Variants in ELMO1 observed in about 807,000 individuals in gnomAD.
ELMO1 encodes engulfment and cell motility 1, also known as engulfment and cell motility protein 1.
Under a neutral mutation model 98.9 loss-of-function variants are expected in ELMO1, and 26 were observed. The ratio of observed to expected loss-of-function variants is 0.26; its 90% CI spans 0.19 to 0.36. The LOEUF (loss-of-function observed/expected upper bound fraction) is 0.36. ELMO1 is among the 10% of genes least tolerant of loss of function. The pLI is 1.00. For missense variants in ELMO1, 627 were observed against 935.2 expected (o/e 0.67, Z 4.30); for synonymous variants, 346 against 346.0 (o/e 1.00, Z 0.00).
rs1790599778 is a variant in ELMO1 at position 37,178,153 on chromosome 7, T to C, written c.1086+33233A>G. 2.0e-5 allele frequency among the ~76,000 whole-genome samples: 3 copies of C among 151,922 alleles called. No homozygotes were observed. In the South Asian group the frequency reaches 6.2e-4, roughly 32 times the overall value. On this transcript the variant is annotated intron_variant, in intron 13 of 21. Transcript: ENST00000310758. ...TAAAGACATACCCGAGACTGGGTAA[T>C]TCATAAAGAAAAAGAGGTTTAATGG... is the stretch of plus-strand genomic sequence containing the variant.
chr7:36,967,859 C>G (rs1789582563), intron 16 of ELMO1, among the ~76,000 whole-genome samples: 1 of 152,206 alleles, frequency 6.6e-6, no homozygotes, highest in Non-Finnish European at 1.5e-5. Context: ...AACCAGGGAA[C>G]ATCAGGATTT....
At chr7:36,897,449 G>C (rs1002976756) in intron 16 of ELMO1, among the ~76,000 whole-genome samples, 2 of 150,826 alleles carry the variant, frequency 1.3e-5, no homozygotes, top group Admixed American at 6.6e-5. Context: ...TTTTTTGTAA[G>C]ATGGCTTGGA....
intron 4 of ELMO1, among the ~76,000 whole-genome samples, chr7:37,286,081 C>T (rs972132898): frequency 5.3e-5 from 8 of 152,016 alleles, no homozygotes; most frequent in Non-Finnish European, 1.2e-4. Context: ...ATTCCAGTGG[C>T]ATGAGCAGGG....
chr7:37,042,770 C>T (rs573970548), intron 15 of ELMO1, among the ~76,000 whole-genome samples: 3 of 152,246 alleles, frequency 2.0e-5, no homozygotes, highest in Admixed American at 2.0e-4. Flanking sequence ...TCACTAACTC[C>T]TCATGGCTGC....
intron 17 of ELMO1, among the ~76,000 whole-genome samples, chr7:36,892,363 C>G (rs1301187123): frequency 6.6e-6 from 1 of 152,196 alleles, no homozygotes; most frequent in Non-Finnish European, 1.5e-5. Context: ...TATCCTAACC[C>G]TCAAGCTTGG....
At chr7:37,165,264 C>G (rs1218604463) in intron 13 of ELMO1, among the ~76,000 whole-genome samples, 1 of 152,120 alleles carries the variant, frequency 6.6e-6, no homozygotes, top group East Asian at 1.9e-4. Context: ...TCTAGATATT[C>G]AATCATGTCA....
At chr7:37,358,326 CTAA>C (rs1453787396) in intron 1 of ELMO1, among the ~76,000 whole-genome samples, 1 of 152,128 alleles carries the variant, frequency 6.6e-6, no homozygotes, top group African/African-American at 2.4e-5. Flanking sequence ...ACTCAACCTG[CTAA>C]TAATATCCAC....
At chr7:37,219,829 T>C (rs1793495484) in intron 10 of ELMO1, among the ~76,000 whole-genome samples, 1 of 152,248 alleles carries the variant, frequency 6.6e-6, no homozygotes, top group Non-Finnish European at 1.5e-5. Context: ...AATGAAATAA[T>C]GTAATATAAA....
At chr7:37,089,298 G>T (rs544263729) in intron 15 of ELMO1, among the ~76,000 whole-genome samples, 2 of 152,228 alleles carry the variant, frequency 1.3e-5, no homozygotes, top group East Asian at 3.9e-4. Flanking sequence ...GAAAGACAAA[G>T]TAAGGAAATG....
At chr7:37,164,221 T>C (rs1375895724) in intron 13 of ELMO1, among the ~76,000 whole-genome samples, 1 of 152,252 alleles carries the variant, frequency 6.6e-6, no homozygotes, top group Non-Finnish European at 1.5e-5. Flanking sequence ...GAGTTCATTG[T>C]AGATTCTGGA....
At chr7:37,106,833 T>C (rs1461016708) in intron 14 of ELMO1, among the ~76,000 whole-genome samples, 3 of 152,216 alleles carry the variant, frequency 2.0e-5, no homozygotes, top group African/African-American at 7.2e-5. Flanking sequence ...TTTGCAGACA[T>C]ATACAATCCC....
chr7:37,440,816 GGGT>G (rs1805386342), intron 1 of ELMO1, among the ~76,000 whole-genome samples: 2 of 151,604 alleles, frequency 1.3e-5, no homozygotes. Context: ...AGAGTTGGAG[GGGT>G]GGACGGGAGT....
At chr7:37,245,586 T>C (rs1341488494) in intron 6 of ELMO1, among the ~76,000 whole-genome samples, 1 of 152,146 alleles carries the variant, frequency 6.6e-6, no homozygotes, top group Non-Finnish European at 1.5e-5. Flanking sequence ...ATATTTACTA[T>C]TTCCCATCCT....
intron 2 of ELMO1, among the ~76,000 whole-genome samples, chr7:37,321,857 CTT>C (rs869082330): frequency 6.5e-5 from 9 of 137,442 alleles, no homozygotes; most frequent in East Asian, 4.3e-4. Flanking sequence ...AAGTAACTCC[CTT>C]TTTTTTTTTT....
At chr7:37,253,623 T>G (rs990576126) in intron 6 of ELMO1, among the ~76,000 whole-genome samples, 1 of 151,696 alleles carries the variant, frequency 6.6e-6, no homozygotes, top group African/African-American at 2.4e-5. Context: ...AAATACCTAA[T>G]GCAGATGACG....
intron 2 of ELMO1, among the ~76,000 whole-genome samples, chr7:37,336,095 T>G (rs540549718): frequency 7.4e-6 from 1 of 134,860 alleles, no homozygotes; most frequent in South Asian, 2.5e-4. Flanking sequence ...GTCATGGTGG[T>G]GCACACCTGT....
intron 10 of ELMO1, 60 bp downstream of exon 10, chr7:37,222,555 T>C: frequency 1.3e-6 from 2 of 1,532,434 alleles, no homozygotes; most frequent in Non-Finnish European, 1.8e-6. Context: ...GAGAGGGCGT[T>C]CTCTGCACAC....
intron 1 of ELMO1, among the ~76,000 whole-genome samples, chr7:37,381,602 A>T (rs1802584505): frequency 6.6e-6 from 1 of 152,244 alleles, no homozygotes; most frequent in African/African-American, 2.4e-5. Flanking sequence ...CATAAGATTA[A>T]CATAAATGTA....
chr7:36,857,471 C>T (rs1584257208), intron 21 of ELMO1, among the ~76,000 whole-genome samples: 1 of 152,140 alleles, frequency 6.6e-6, no homozygotes, highest in Admixed American at 6.5e-5. Context: ...ATCCCCAAGT[C>T]CTGGGGATTA....
Sources: gnomAD v4.1 joint callset for allele counts (sites outside exome capture counted in the v4.1 genomes callset) on GRCh38, gnomAD v4.1.1 for gene constraint, MANE v1.5 for transcripts, NCBI Gene and HGNC (gene_info 2026-07-23, HGNC 2026-07-21) for gene names.